The following NRG1 variants were observed in gnomAD, a reference collection of about 807,000 sequenced individuals.
The protein encoded by NRG1 is neuregulin 1, also known as pro-neuregulin-1, membrane-bound isoform.
NRG1 carries 18 observed loss-of-function variants against 63.8 expected under a neutral mutation model. The ratio of observed to expected loss-of-function variants is 0.28; its 90% CI spans 0.19 to 0.42. The LOEUF (loss-of-function observed/expected upper bound fraction) is 0.42, where lower values mean the gene tolerates loss of function less well. NRG1 is among the 10% of genes least tolerant of loss of function. NRG1 has a pLI of 1.00. For missense variants in NRG1, 762 were observed against 814.7 expected, an observed-to-expected ratio of 0.94 and a Z score of 0.79; for synonymous variants, 302 against 301.3, an observed-to-expected ratio of 1.00 and a Z score of -0.02.
chr8:31,872,942 A>G (rs1308464625), intron 1 of NRG1, among the ~76,000 whole-genome samples: 1 of 152,216 alleles, frequency 6.6e-6, no homozygotes, highest in Middle Eastern at 3.2e-3. Context: ...AGATTAAGGC[A>G]TATTTGGTTT....
chr8:32,157,574 G>A (rs1437577924), intron 1 of NRG1, among the ~76,000 whole-genome samples: 3 of 151,424 alleles, frequency 2.0e-5, no homozygotes, highest in Non-Finnish European at 4.4e-5. Context: ...CAGGAGAATC[G>A]CTTGAACCTG....
At chr8:32,124,923 T>A in intron 1 of NRG1, among the ~76,000 whole-genome samples, 1 of 151,926 alleles carries the variant, frequency 6.6e-6, no homozygotes, top group East Asian at 1.9e-4. Context: ...GACACTACTA[T>A]GGGCTGAATA....
intron 1 of NRG1, among the ~76,000 whole-genome samples, chr8:32,323,334 GT>G (rs1341081635): frequency 6.6e-6 from 1 of 151,654 alleles, no homozygotes; most frequent in African/African-American, 2.4e-5. Context: ...TTTTTTCCAG[GT>G]TTCCTGTTGA....
At chr8:31,759,181 A>G (rs1219265521) in intron 1 of NRG1, among the ~76,000 whole-genome samples, 1 of 152,122 alleles carries the variant, frequency 6.6e-6, no homozygotes, top group Non-Finnish European at 1.5e-5. Context: ...TCTCTCCCAG[A>G]ATGTAGCTTG....
intron 1 of NRG1, among the ~76,000 whole-genome samples, chr8:31,832,496 C>G (rs1825266049): frequency 6.6e-6 from 1 of 152,088 alleles, no homozygotes; most frequent in African/African-American, 2.4e-5. Flanking sequence ...TGGACTCAAG[C>G]AGTCTGCCCA....
intron 1 of NRG1, among the ~76,000 whole-genome samples, chr8:32,333,844 T>G (rs115778548): frequency 0.015 from 2,316 of 152,282 alleles, 58 homozygotes; most frequent in African/African-American, 0.053. Context: ...ATAAAAAAAC[T>G]AAACTACTTC....
chr8:32,246,970 C>T (rs1848644208), intron 1 of NRG1, among the ~76,000 whole-genome samples: 1 of 152,002 alleles, frequency 6.6e-6, no homozygotes, highest in Non-Finnish European at 1.5e-5. Flanking sequence ...CAAATGTTCT[C>T]ACACAACAAA....
chr8:31,688,171 G>A (rs908438151), intron 1 of NRG1, among the ~76,000 whole-genome samples: 3 of 152,200 alleles, frequency 2.0e-5, no homozygotes, highest in Non-Finnish European at 2.9e-5. Flanking sequence ...GAGACTATGT[G>A]TGCTCTTGTT....
chr8:32,470,341 C>A (rs1299434043), intron 1 of NRG1, among the ~76,000 whole-genome samples: 6 of 151,894 alleles, frequency 4.0e-5, no homozygotes, highest in Non-Finnish European at 8.8e-5. Context: ...CCACCACACC[C>A]GGCTAATTTA....
chr8:32,137,073 A>G (rs927808026), intron 1 of NRG1, among the ~76,000 whole-genome samples: 1 of 152,114 alleles, frequency 6.6e-6, no homozygotes, highest in Non-Finnish European at 1.5e-5. Context: ...TTTTTAAAAC[A>G]TGATTTCTAT....
chr8:32,134,659 A>G (rs1835274423), intron 1 of NRG1, among the ~76,000 whole-genome samples: 1 of 152,182 alleles, frequency 6.6e-6, no homozygotes, highest in Non-Finnish European at 1.5e-5. Flanking sequence ...GCTCACATTC[A>G]TGAGAAATTA....
intron 1 of NRG1, among the ~76,000 whole-genome samples, chr8:32,258,578 G>A (rs184398559): frequency 2.4e-4 from 36 of 152,182 alleles, no homozygotes; most frequent in Non-Finnish European, 4.6e-4. Flanking sequence ...GTACAGTTAT[G>A]TGGAAGAGGA....
rs566700092 is a variant in NRG1 at position 31,727,004 on chromosome 8, C to T, written c.37+87573C>T. ...AGTGTGTCCATTACAACAGGCTATT[C>T]TTATGATTGAAAAACGATTGTCTAA... On this transcript the variant is annotated intron_variant, in intron 1 of 10. Coordinates refer to the NRG1 transcript ENST00000519301. 3.3e-5 allele frequency among the ~76,000 whole-genome samples: 5 copies of T among 152,202 alleles called. No individual in the cohort carries two copies. The South Asian group carries it at 1.0e-3, about 32-fold the overall frequency.
At chr8:31,847,431 AT>A (rs1365046852) in intron 1 of NRG1, among the ~76,000 whole-genome samples, 1 of 152,216 alleles carries the variant, frequency 6.6e-6, no homozygotes, top group Non-Finnish European at 1.5e-5. Context: ...ATAGTGATGA[AT>A]TCAGCAGACA....
chr8:32,408,989 A>G (rs1814506760), intron 1 of NRG1, among the ~76,000 whole-genome samples: 1 of 152,090 alleles, frequency 6.6e-6, no homozygotes, highest in Non-Finnish European at 1.5e-5. Context: ...AACATGCAAT[A>G]TTTGACTTTC....
At chr8:32,578,390 C>T (rs1421753056) in intron 1 of NRG1, among the ~76,000 whole-genome samples, 1 of 152,088 alleles carries the variant, frequency 6.6e-6, no homozygotes, top group Non-Finnish European at 1.5e-5. Flanking sequence ...TGTTCATGTG[C>T]TGATATCATA....
upstream of NRG1, among the ~76,000 whole-genome samples, chr8:32,543,417 G>GA (rs1832766140): frequency 6.6e-6 from 1 of 152,014 alleles, no homozygotes; most frequent in Non-Finnish European, 1.5e-5. Context: ...GCAGAGGTCA[G>GA]AAAAAATAAC....
chr8:31,640,100 T>C lies in NRG1; in HGVS notation c.37+669T>C. 1 of 1,142,998 alleles carries C rather than the reference T, an allele frequency of 8.7e-7. No homozygotes were observed. Among genetic ancestry groups the C allele is most frequent in the Non-Finnish European group, 1.1e-6 (1 of 932,282 alleles). 70.8% of individuals were successfully genotyped at this position (1,142,998 alleles called of 1,614,324 possible). On this transcript the variant is annotated intron_variant, in intron 1 of 10. Transcript: ENST00000519301. This position sits in a 1 kb window ranked among gnomAD's most constrained non-coding sequence, Gnocchi z 6.3. ...CCGCTGCTGCCACTACTGCTGCTGC[T>C]GGGGACCGCGGCCCTGGCGCCGGGG...
intron 1 of NRG1, among the ~76,000 whole-genome samples, chr8:32,448,879 A>G (rs2129487949): frequency 6.6e-6 from 1 of 152,274 alleles, no homozygotes; most frequent in South Asian, 2.1e-4. Context: ...AATTATCTTG[A>G]GAAAATCCTC....
Sources: gnomAD v4.1 joint callset for allele counts (sites outside exome capture counted in the v4.1 genomes callset) on GRCh38, gnomAD v4.1.1 for gene constraint, Gnocchi (gnomAD v3.1) non-coding constraint, MANE v1.5 for transcripts, NCBI Gene and HGNC (gene_info 2026-07-23, HGNC 2026-07-21) for gene names.